SESN3: variants seen among roughly 807,000 people sequenced by gnomAD.
SESN3 encodes sestrin 3.
In SESN3, 21 loss-of-function variants were observed where a neutral mutation model predicts 55.3. That is an observed-to-expected ratio of 0.38 (90% CI 0.27 to 0.55). The LOEUF is 0.55. SESN3 is among the 20% of genes least tolerant of loss of function. The pLI is 0.76. For missense variants in SESN3, 408 were observed against 604.3 expected, an observed-to-expected ratio of 0.68 and a Z score of 3.41; for synonymous variants, 181 against 203.1, an observed-to-expected ratio of 0.89 and a Z score of 0.93.
At chr11:95,210,973 C>G (rs942127582) in intron 1 of SESN3, among the ~76,000 whole-genome samples, 1 of 151,982 alleles carries the variant, frequency 6.6e-6, no homozygotes, top group Non-Finnish European at 1.5e-5. Flanking sequence ...TACAATTACA[C>G]TTGCATTATG....
Position 95,213,355 on chromosome 11 carries a change from T to A in SESN3, c.78+17428A>T, listed in dbSNP as rs182450031. Among the ~76,000 whole-genome samples, 1,025 of 152,316 alleles carry A rather than the reference T, an allele frequency of 6.7e-3. 8 individuals carry two copies. The highest frequency in any genetic ancestry group is 0.015 in the Admixed American group (232 of 15,308). The stretch of plus-strand genomic sequence containing the variant: ...CTGATTCAATTGAAAATGACCCCTA[T>A]ACTGAGATAAGATTTAGTCAAGGGG... On this transcript the variant is annotated intron_variant, in intron 1 of 9. Transcript: ENST00000536441.
intron 1 of SESN3, among the ~76,000 whole-genome samples, chr11:95,195,533 G>A (rs929355213): frequency 2.6e-5 from 4 of 152,086 alleles, no homozygotes; most frequent in Non-Finnish European, 2.9e-5. Flanking sequence ...AACCAGCTAC[G>A]GCGTATGACA....
rs1366205675 is a variant in SESN3, at chr11:95,173,216, G to A, written c.*39C>T. The A allele has an allele frequency of 2.6e-6, 3 of 1,172,292 alleles. No individual in the cohort carries two copies. In the South Asian group the frequency reaches 4.3e-5, roughly 17 times the overall value. The allele number at this position is 1,172,292 out of a possible 1,614,324, so 72.6% of individuals were successfully genotyped here. A position where few individuals can be genotyped will look rare whatever the true frequency, so the allele number is the denominator to read the frequency against. The stretch of plus-strand genomic sequence containing the variant: ...GCTTCAATGTTTATCTTATGTGAAA[G>A]GTCTTTACACATGTATGACATTTTC... On this transcript the variant is annotated 3_prime_UTR_variant, in exon 10 of 10. Transcript: ENST00000536441.
intron 1 of SESN3, among the ~76,000 whole-genome samples, chr11:95,194,503 C>T (rs1297716408): frequency 6.6e-6 from 1 of 151,960 alleles, no homozygotes; most frequent in Non-Finnish European, 1.5e-5. Flanking sequence ...TGCTCTCTGC[C>T]CTCATGAGCT....
intron 1 of SESN3, among the ~76,000 whole-genome samples, chr11:95,223,370 A>G (rs930013991): frequency 1.3e-5 from 2 of 152,134 alleles, no homozygotes; most frequent in Non-Finnish European, 2.9e-5. Flanking sequence ...CTTGCTACTC[A>G]GGGTCCTTCT....
chr11:95,230,701 G>A lies in SESN3; in HGVS notation c.78+82C>T. The stretch of plus-strand genomic sequence containing the variant: ...CGGGGATCCCTCTCAGCCTCCCCCA[G>A]TGCGCGCCCGGGGACGAGCCGCCCG... On this transcript the variant is annotated intron_variant, in intron 1 of 9. Coordinates refer to ENST00000536441, the MANE Select transcript of SESN3 (RefSeq NM_144665.4). This position sits in a 1 kb window ranked among gnomAD's most constrained non-coding sequence, Gnocchi z 4.6. 3.8e-6 allele frequency: 4 copies of A among 1,040,832 alleles called. No homozygotes were observed. The highest frequency in any genetic ancestry group is 5.7e-6 in the Non-Finnish European group (4 of 696,402). The allele number at this position is 1,040,832 out of a possible 1,614,324, so 64.5% of individuals were successfully genotyped here.
chr11:95,225,466 C>T (rs905929102), intron 1 of SESN3, among the ~76,000 whole-genome samples: 8 of 152,264 alleles, frequency 5.3e-5, no homozygotes, highest in African/African-American at 1.2e-4. Flanking sequence ...GGAGAATCTT[C>T]GGTATCTTTG....
At chr11:95,191,348 G>T in intron 3 of SESN3, 56 bp downstream of exon 3, 2 of 1,324,726 alleles carry the variant, frequency 1.5e-6, no homozygotes, top group Non-Finnish European at 2.2e-6. Flanking sequence ...TATTTTGGAA[G>T]GGAGAAAGAA....
rs917140838 is a variant in SESN3 at position 95,170,699 on chromosome 11, G to A, written c.*2556C>T. ...CGTTGTAAAATGGTATTCACAACCT[G>A]AAATGCTGTGCATGCTGCGTATTAG... On this transcript the variant is annotated 3_prime_UTR_variant, in exon 10 of 10. Coordinates refer to ENST00000536441, the MANE Select transcript of SESN3 (RefSeq NM_144665.4). The A allele has an allele frequency of 2.6e-5, 4 of 152,208 alleles. No homozygotes were observed. Among genetic ancestry groups the A allele is most frequent in the African/African-American group, 9.6e-5 (4 of 41,456 alleles). 9.4% of individuals were successfully genotyped at this position (152,208 alleles called of 1,614,324 possible).
At chr11:95,177,501 G>C (rs1482774599) in intron 8 of SESN3, among the ~76,000 whole-genome samples, 3 of 151,742 alleles carry the variant, frequency 2.0e-5, no homozygotes, top group Non-Finnish European at 2.9e-5. Context: ...TTTTCCCTCA[G>C]TAAATTTTTA....
chr11:95,209,554 T>TAC (rs1423624951), intron 1 of SESN3, among the ~76,000 whole-genome samples: 1 of 151,402 alleles, frequency 6.6e-6, no homozygotes, highest in Non-Finnish European at 1.5e-5. Context: ...AGTGGGTATA[T>TAC]ACTCAAAGGA....
At chr11:95,223,523 T>C (rs1310121661) in intron 1 of SESN3, among the ~76,000 whole-genome samples, 2 of 152,118 alleles carry the variant, frequency 1.3e-5, no homozygotes, top group African/African-American at 4.8e-5. Context: ...CTGGTTTATA[T>C]CAGAAAAAAG....
rs1860270300 is a variant in SESN3 at position 95,191,621 on chromosome 11, AAAC to A, written c.145-23_145-21del. On this transcript the variant is annotated intron_variant, in intron 2 of 9. Coordinates refer to ENST00000536441, the MANE Select transcript of SESN3 (RefSeq NM_144665.4). ...GACAACCTTATAACCAAAAAAAACA[AAAC>A]AAAATGACTATTGAGACATAAACAC... The A allele has an allele frequency of 2.5e-6, 4 of 1,599,450 alleles. No individual in the cohort carries two copies. The highest frequency in any genetic ancestry group is 3.4e-6 in the Non-Finnish European group (4 of 1,167,844).
intron 1 of SESN3, among the ~76,000 whole-genome samples, chr11:95,214,376 C>G (rs558265582): frequency 6.6e-6 from 1 of 152,158 alleles, no homozygotes; most frequent in Admixed American, 6.5e-5. Context: ...TAGATACAAC[C>G]AAAGAACAAA....
At chr11:95,223,204 A>G (rs1182063772) in intron 1 of SESN3, among the ~76,000 whole-genome samples, 1 of 150,162 alleles carries the variant, frequency 6.7e-6, no homozygotes, top group Non-Finnish European at 1.5e-5. Context: ...TAGAAAGTCC[A>G]CTATACCTTT....
At chr11:95,207,822 GT>G (rs1254649001) in intron 1 of SESN3, among the ~76,000 whole-genome samples, 1 of 149,710 alleles carries the variant, frequency 6.7e-6, no homozygotes, top group Non-Finnish European at 1.5e-5. Flanking sequence ...TATACTATAT[GT>G]TTTTTTTGTT....
At chr11:95,178,653 CTTAACAG>C (rs1860003514) in intron 7 of SESN3, 50 bp downstream of exon 7, 5 of 1,071,326 alleles carry the variant, frequency 4.7e-6, no homozygotes, top group Middle Eastern at 2.0e-4. Context: ...AATTTAAACA[CTTAACAG>C]TTAAAATGAC....
chr11:95,212,418 A>C (rs571237891), intron 1 of SESN3, among the ~76,000 whole-genome samples: 99 of 152,222 alleles, frequency 6.5e-4, no homozygotes, highest in African/African-American at 2.3e-3. Context: ...CCTAGCATAC[A>C]TATTAATTAA....
At position 95,173,230 on chromosome 11, in the gene SESN3, T is replaced by C. The variant is rs1290549520; in HGVS notation, c.*25A>G. 5 of 1,423,758 alleles carry C rather than the reference T, an allele frequency of 3.5e-6. No individual in the cohort carries two copies. Among genetic ancestry groups the C allele is most frequent in the Non-Finnish European group, 4.9e-6 (5 of 1,015,084 alleles). 88.2% of individuals were successfully genotyped at this position (1,423,758 alleles called of 1,614,324 possible). A position where few individuals can be genotyped will look rare whatever the true frequency, so the allele number is the denominator to read the frequency against. ...CTTATGTGAAAGGTCTTTACACATGTATGACATTTTCCTTGGGTGATACTT... is the reference window on the plus strand; with the variant it reads ...CTTATGTGAAAGGTCTTTACACATGCATGACATTTTCCTTGGGTGATACTT... On this transcript the variant is annotated 3_prime_UTR_variant, in exon 10 of 10. Coordinates refer to ENST00000536441, the MANE Select transcript of SESN3 (RefSeq NM_144665.4).
Sources: gnomAD v4.1 joint callset for allele counts (sites outside exome capture counted in the v4.1 genomes callset) on GRCh38, gnomAD v4.1.1 for gene constraint, Gnocchi (gnomAD v3.1) non-coding constraint, MANE v1.5 for transcripts, NCBI Gene and HGNC (gene_info 2026-07-23, HGNC 2026-07-21) for gene names.